The following MAP3K20 variants were observed in gnomAD, a reference collection of about 807,000 sequenced individuals.
MAP3K20 encodes the protein HCCS-4.
Under a neutral mutation model 85.7 loss-of-function variants are expected in MAP3K20, and 40 were observed. The ratio of observed to expected loss-of-function variants is 0.47; its 90% CI spans 0.36 to 0.61. The LOEUF is 0.61. Ranked by LOEUF, MAP3K20 falls within the 20% of genes least tolerant of loss-of-function variation. The probability of loss-of-function intolerance (pLI) is 0.00; values close to 1 mark genes in which losing one functional copy is unlikely to be tolerated. For synonymous variants in MAP3K20, 325 were observed against 327.7 expected (o/e 0.99, Z 0.09); for missense variants, 817 against 961.7 (o/e 0.85, Z 1.99).
chr2:173,264,657 C>T (rs1335820291), intron 19 of MAP3K20, among the ~76,000 whole-genome samples: 1 of 152,152 alleles, frequency 6.6e-6, no homozygotes, highest in Non-Finnish European at 1.5e-5. Flanking sequence ...CTCCCGATCA[C>T]GTGGCTACAT....
chr2:173,232,041 A>T, intron 12 of MAP3K20, 151 bp from the exon 13 acceptor site: 2 of 979,154 alleles, frequency 2.0e-6, no homozygotes, highest in Non-Finnish European at 3.1e-6. Flanking sequence ...TGAGGTTTTA[A>T]AACTACAAAG....
rs371136283 is a variant in MAP3K20, at chr2:173,215,172, C to T, written c.852-1943C>T. Among the ~76,000 whole-genome samples, 308 of 152,336 alleles carry T rather than the reference C, an allele frequency of 2.0e-3. 6 individuals are homozygous for T. In the South Asian group the frequency reaches 0.055, roughly 27 times the overall value. ...GGCCATTTACCCTGGTCTAAAAGAACATCAGTCAATCTGTCTCACTGGCAG... is the reference window on the plus strand; with the variant it reads ...GGCCATTTACCCTGGTCTAAAAGAATATCAGTCAATCTGTCTCACTGGCAG... On this transcript the variant is annotated intron_variant, in intron 10 of 19. Transcript: ENST00000375213.
intron 2 of MAP3K20, among the ~76,000 whole-genome samples, chr2:173,126,877 C>A (rs752952144): frequency 6.6e-6 from 1 of 152,172 alleles, no homozygotes; most frequent in Non-Finnish European, 1.5e-5. Context: ...TCTGCAACAT[C>A]AAGAAGGTGT....
intron 2 of MAP3K20, among the ~76,000 whole-genome samples, chr2:173,162,819 T>TG (rs1217092423): frequency 6.6e-6 from 1 of 152,156 alleles, no homozygotes; most frequent in Non-Finnish European, 1.5e-5. Context: ...AAGTGTACCT[T>TG]GTGTCAGTGC....
chr2:173,209,928 C>G (rs548990833), intron 10 of MAP3K20, 93 bp downstream of exon 10: 1 of 1,149,916 alleles, frequency 8.7e-7, no homozygotes, highest in Admixed American at 1.8e-5. Context: ...GAATGACAGT[C>G]CTGATTTCTG....
At chr2:173,098,570 A>G (rs1422200081) in intron 2 of MAP3K20, among the ~76,000 whole-genome samples, 1 of 152,210 alleles carries the variant, frequency 6.6e-6, no homozygotes, top group East Asian at 1.9e-4. Context: ...ATATATGCAA[A>G]TATTCCAAAA....
rs57654974 is a variant in MAP3K20, at chr2:173,205,119, A to AAT, written c.744+1250_744+1251insTA. The stretch of plus-strand genomic sequence containing the variant: ...CTCTGTCTCAAAAAAAAAAAAAAAA[A>AAT]AAATAAATAAATAAAATAAAACATA... On this transcript the variant is annotated intron_variant, in intron 9 of 19. Coordinates refer to ENST00000375213, the MANE Select transcript of MAP3K20 (RefSeq NM_016653.3). Among the ~76,000 whole-genome samples, 48 of 139,558 alleles carry AAT rather than the reference A, an allele frequency of 3.4e-4. No individual in the cohort carries two copies. In the East Asian group the frequency reaches 9.3e-3, roughly 27 times the overall value. The allele number at this position is 139,558 out of a possible 152,430, so 91.6% of individuals were successfully genotyped here. A position where few individuals can be genotyped will look rare whatever the true frequency, so the allele number is the denominator to read the frequency against.
intron 1 of MAP3K20, among the ~76,000 whole-genome samples, chr2:173,079,964 AAC>A (rs1248276819): frequency 6.6e-6 from 1 of 152,158 alleles, no homozygotes; most frequent in African/African-American, 2.4e-5. Flanking sequence ...ATAAATGAGT[AAC>A]ACAGTCATTA....
chr2:173,091,622 ACT>A (rs1687302627), intron 2 of MAP3K20, among the ~76,000 whole-genome samples: 1 of 152,118 alleles, frequency 6.6e-6, no homozygotes, highest in Non-Finnish European at 1.5e-5. Flanking sequence ...AAGATAAGAC[ACT>A]GTTTTTTTTA....
intron 16 of MAP3K20, among the ~76,000 whole-genome samples, chr2:173,249,218 G>A (rs1290999555): frequency 2.0e-5 from 3 of 152,186 alleles, no homozygotes; most frequent in Non-Finnish European, 4.4e-5. Flanking sequence ...AGAGATCTTT[G>A]CTTTTAGAAG....
chr2:173,155,122 GA>G (rs1368297161), intron 2 of MAP3K20, among the ~76,000 whole-genome samples: 1 of 152,070 alleles, frequency 6.6e-6, no homozygotes, highest in African/African-American at 2.4e-5. Context: ...AGAAGAGGGG[GA>G]GGTAAAATCT....
At chr2:173,221,820 T>G in intron 11 of MAP3K20, 1 of 1,060,282 alleles carries the variant, frequency 9.4e-7, no homozygotes, top group Non-Finnish European at 1.1e-6. Flanking sequence ...AGTTGTGACA[T>G]TCTGGCTTTT....
chr2:173,083,956 A>G (rs775185977), intron 1 of MAP3K20, among the ~76,000 whole-genome samples: 2 of 152,244 alleles, frequency 1.3e-5, no homozygotes, highest in Non-Finnish European at 2.9e-5. Context: ...AAAGGAAAGT[A>G]TGAATTAGGG....
chr2:173,163,877 AT>A (rs1689736469), intron 2 of MAP3K20, among the ~76,000 whole-genome samples: 1 of 152,038 alleles, frequency 6.6e-6, no homozygotes, highest in African/African-American at 2.4e-5. Flanking sequence ...GCCTTTCATA[AT>A]GGCTAAACTA....
At chr2:173,257,147 G>C (rs185432983) in intron 16 of MAP3K20, among the ~76,000 whole-genome samples, 1 of 152,110 alleles carries the variant, frequency 6.6e-6, no homozygotes, top group African/African-American at 2.4e-5. Flanking sequence ...CTGGGTGACA[G>C]AGCAAGACCC....
chr2:173,117,213 G>A (rs1237056634), intron 2 of MAP3K20, among the ~76,000 whole-genome samples: 7 of 152,314 alleles, frequency 4.6e-5, no homozygotes, highest in East Asian at 1.9e-4. Flanking sequence ...TTTAAGGTGA[G>A]TCTCTTAAGA....
chr2:173,113,746 T>C (rs774903280), intron 2 of MAP3K20, among the ~76,000 whole-genome samples: 3 of 152,176 alleles, frequency 2.0e-5, no homozygotes, highest in Non-Finnish European at 4.4e-5. Flanking sequence ...TCCACTGTGG[T>C]CTGAGAGAGT....
At chr2:173,097,889 A>G (rs546335892) in intron 2 of MAP3K20, among the ~76,000 whole-genome samples, 2 of 152,328 alleles carry the variant, frequency 1.3e-5, no homozygotes, top group Non-Finnish European at 2.9e-5. Context: ...CAGTTAATCA[A>G]TATGATATCG....
At chr2:173,095,628 T>C (rs1687436271) in intron 2 of MAP3K20, among the ~76,000 whole-genome samples, 1 of 152,200 alleles carries the variant, frequency 6.6e-6, no homozygotes, top group African/African-American at 2.4e-5. Flanking sequence ...GGAATCTTGC[T>C]CTGGGACTTA....
Sources: allele counts gnomAD v4.1 joint callset (sites outside exome capture counted in the v4.1 genomes callset), GRCh38; gene constraint gnomAD v4.1.1; transcripts MANE v1.5; gene names NCBI Gene and HGNC (gene_info 2026-07-23, HGNC 2026-07-21).